MSI2: variants seen among roughly 807,000 people sequenced by gnomAD.
The protein encoded by MSI2 is musashi RNA binding protein 2.
Under a neutral mutation model 45.6 loss-of-function variants are expected in MSI2, and 17 were observed. The observed-to-expected ratio is 0.37, with a 90% CI of 0.26 to 0.56. The LOEUF is 0.56. Among genes scored for constraint, MSI2 ranks in the 20% least tolerant of loss-of-function variants. The pLI, the probability that MSI2 is intolerant of heterozygous loss-of-function variation, is 0.77. For missense variants in MSI2, 293 were observed against 444.2 expected, an observed-to-expected ratio of 0.66 and a Z score of 3.06; for synonymous variants, 156 against 158.2, an observed-to-expected ratio of 0.99 and a Z score of 0.11.
chr17:57,467,443 G>T (rs965004118), intron 6 of MSI2, among the ~76,000 whole-genome samples: 3 of 151,934 alleles, frequency 2.0e-5, no homozygotes, highest in Non-Finnish European at 4.4e-5. Context: ...GAAAGGAATG[G>T]CAGATGGACG....
chr17:57,350,331 G>A (rs935695819), intron 5 of MSI2, among the ~76,000 whole-genome samples: 2 of 151,860 alleles, frequency 1.3e-5, no homozygotes, highest in East Asian at 1.9e-4. Context: ...GTCCAGACAT[G>A]GTGCTCTGGA....
At chr17:57,566,870 C>T (rs1020526233) in intron 7 of MSI2, among the ~76,000 whole-genome samples, 1 of 152,164 alleles carries the variant, frequency 6.6e-6, no homozygotes, top group Admixed American at 6.5e-5. Context: ...GTGGCTTTCT[C>T]TGCCTGCCTG....
chr17:57,615,554 T>C lies in MSI2; in HGVS notation c.538-416T>C, dbSNP rs560254979. 4.5e-4 allele frequency among the ~76,000 whole-genome samples: 68 copies of C among 152,312 alleles called. 1 individual carries two copies. In the South Asian group the frequency reaches 0.014, roughly 32 times the overall value. On this transcript the variant is annotated intron_variant, in intron 8 of 13. Transcript: ENST00000284073. ...ATGAAGAGTCACTGGCCTGAGAGAA[T>C]GTCAGGGGCATTTGTAAATGTGTAA... is the stretch of plus-strand genomic sequence containing the variant.
intron 6 of MSI2, among the ~76,000 whole-genome samples, chr17:57,462,233 A>G (rs1323854017): frequency 6.6e-6 from 1 of 152,176 alleles, no homozygotes; most frequent in Admixed American, 6.5e-5. Context: ...TAAGAACACC[A>G]GTCACATTGG....
intron 5 of MSI2, among the ~76,000 whole-genome samples, chr17:57,352,095 G>A (rs1012612752): frequency 1.3e-5 from 2 of 152,198 alleles, no homozygotes; most frequent in African/African-American, 4.8e-5. Context: ...AGGAAAGTCG[G>A]CCTTTCCTAT....
chr17:57,332,192 C>T (rs912396527), intron 5 of MSI2, among the ~76,000 whole-genome samples: 2 of 151,892 alleles, frequency 1.3e-5, no homozygotes, highest in Non-Finnish European at 1.5e-5. Flanking sequence ...CCTCCACCTC[C>T]GCGGTTCAAG....
intron 5 of MSI2, among the ~76,000 whole-genome samples, chr17:57,383,955 G>C (rs1278410644): frequency 6.6e-6 from 1 of 152,180 alleles, no homozygotes; most frequent in Non-Finnish European, 1.5e-5. Context: ...CGTGTAGACT[G>C]CTGGCCCAGC....
chr17:57,555,839 G>T (rs2087423094), intron 7 of MSI2, among the ~76,000 whole-genome samples: 2 of 152,218 alleles, frequency 1.3e-5, no homozygotes, highest in South Asian at 4.1e-4. Context: ...GACCTTGGAG[G>T]TCCAAAGGTC....
intron 4 of MSI2, among the ~76,000 whole-genome samples, chr17:57,260,999 G>A (rs1386216923): frequency 1.3e-5 from 2 of 151,104 alleles, no homozygotes; most frequent in African/African-American, 4.9e-5. Flanking sequence ...TAATATGAAA[G>A]CCAAAGCCTG....
At chr17:57,696,096 G>A in the MSI2 span, among the ~76,000 whole-genome samples, 13 of 152,068 alleles carry the variant, frequency 8.5e-5, no homozygotes, top group South Asian at 2.1e-4. Flanking sequence ...ATGAATATTC[G>A]GTTCCTAACA....
rs1047975273 is a variant in MSI2, at chr17:57,680,165, T to C, written c.*648T>C. 5 of 228,742 alleles carry C rather than the reference T, an allele frequency of 2.2e-5. No individual in the cohort carries two copies. Among genetic ancestry groups the C allele is most frequent in the Admixed American group, 1.1e-4 (2 of 17,640 alleles). The allele number at this position is 228,742 out of a possible 1,614,324, so 14.2% of individuals were successfully genotyped here. On this transcript the variant is annotated 3_prime_UTR_variant, in exon 14 of 14. Coordinates refer to ENST00000284073, the MANE Select transcript of MSI2 (RefSeq NM_138962.4). The stretch of plus-strand genomic sequence containing the variant: ...AAGAAGTGAGATGTAGTAAGCTAAT[T>C]AACAGACTTTCTAGCAGTTCTTTTT...
At chr17:57,306,491 G>A (rs1180077446) in intron 5 of MSI2, among the ~76,000 whole-genome samples, 2 of 152,158 alleles carry the variant, frequency 1.3e-5, no homozygotes, top group African/African-American at 4.8e-5. Context: ...TCTCCCCAGT[G>A]TAGATTCTGG....
At chr17:57,455,743 T>C (rs895009661) in intron 6 of MSI2, among the ~76,000 whole-genome samples, 1 of 152,200 alleles carries the variant, frequency 6.6e-6, no homozygotes, top group Non-Finnish European at 1.5e-5. Context: ...GCCTCCTGTC[T>C]GCATGCTCAG....
intron 10 of MSI2, among the ~76,000 whole-genome samples, chr17:57,644,108 C>A (rs1021512154): frequency 2.1e-4 from 32 of 152,328 alleles, no homozygotes; most frequent in African/African-American, 6.7e-4. Flanking sequence ...TGGGGGTCCC[C>A]ATGGGAGTGA....
chr17:57,411,709 A>G (rs1035088700), intron 6 of MSI2, among the ~76,000 whole-genome samples: 1 of 152,104 alleles, frequency 6.6e-6, no homozygotes, highest in African/African-American at 2.4e-5. Flanking sequence ...TTGTAGTGCC[A>G]TAGAGTTACT....
At chr17:57,575,267 G>C (rs1598414215) in intron 7 of MSI2, among the ~76,000 whole-genome samples, 1 of 150,984 alleles carries the variant, frequency 6.6e-6, no homozygotes, top group East Asian at 2.0e-4. Flanking sequence ...GGGAGATCCA[G>C]GGTTTTGCCT....
chr17:57,561,205 T>C (rs2087566386), intron 7 of MSI2, among the ~76,000 whole-genome samples: 1 of 152,076 alleles, frequency 6.6e-6, no homozygotes, highest in Non-Finnish European at 1.5e-5. Flanking sequence ...AGCCCTGAGA[T>C]GGAGAGATGG....
intron 5 of MSI2, chr17:57,286,026 C>T: frequency 6.6e-7 from 1 of 1,512,754 alleles, no homozygotes; most frequent in East Asian, 2.5e-5. Flanking sequence ...AGAAAAAGTT[C>T]ATGCTGTTCA....
intron 5 of MSI2, among the ~76,000 whole-genome samples, chr17:57,378,562 A>C (rs1311825283): frequency 6.6e-6 from 1 of 151,494 alleles, no homozygotes; most frequent in African/African-American, 2.4e-5. Context: ...GTGCCCGGCC[A>C]ATTTTTGTAT....
Sources: allele counts gnomAD v4.1 joint callset (sites outside exome capture counted in the v4.1 genomes callset), GRCh38; gene constraint gnomAD v4.1.1; transcripts MANE v1.5; gene names NCBI Gene and HGNC (gene_info 2026-07-23, HGNC 2026-07-21).